The following FBXL2 variants were observed in gnomAD, a reference collection of about 807,000 sequenced individuals.
The protein encoded by FBXL2 is F-box and leucine rich repeat protein 2.
Under a neutral mutation model 69.2 loss-of-function variants are expected in FBXL2, and 38 were observed. The observed-to-expected ratio is 0.55, with a 90% confidence interval of 0.42 to 0.72. The LOEUF is 0.72. Ranked by LOEUF, FBXL2 falls within the 30% of genes least tolerant of loss-of-function variation. FBXL2 has a pLI of 0.00. For missense variants in FBXL2, 354 were observed against 520.3 expected (o/e 0.68, Z 3.11); for synonymous variants, 192 against 201.3 (o/e 0.95, Z 0.39).
At chr3:33,372,772 T>TAG (rs2042376205) in intron 5 of FBXL2, 1 of 464,022 alleles carries the variant, frequency 2.2e-6, no homozygotes, top group Non-Finnish European at 3.9e-6. Flanking sequence ...GCTAGGCCTC[T>TAG]ATTCTCATGA....
At position 33,292,604 on chromosome 3, in the gene FBXL2, G is replaced by A. The variant is rs141305275; in HGVS notation, c.4-5060G>A. Among the ~76,000 whole-genome samples, 193 of 152,232 alleles carry A rather than the reference G, an allele frequency of 1.3e-3. 1 individual carries two copies. Among genetic ancestry groups the A allele is most frequent in the African/African-American group, 4.4e-3 (184 of 41,528 alleles). On this transcript the variant is annotated intron_variant, in intron 1 of 14. Transcript: ENST00000484457. Reference sequence around the variant, plus strand: ...CAACTTGATCCTTGGCATTTATGAAGCACTACACATCACTACAGAATTTGA... The same window carrying A: ...CAACTTGATCCTTGGCATTTATGAAACACTACACATCACTACAGAATTTGA...
At chr3:33,295,277 A>G (rs1018414679) in intron 1 of FBXL2, among the ~76,000 whole-genome samples, 3 of 152,174 alleles carry the variant, frequency 2.0e-5, no homozygotes, top group African/African-American at 4.8e-5. Flanking sequence ...CTAGGCAACT[A>G]CTAGTCTATT....
intron 2 of FBXL2, among the ~76,000 whole-genome samples, chr3:33,349,350 A>G (rs550315109): frequency 4.6e-5 from 7 of 152,268 alleles, no homozygotes; most frequent in Admixed American, 1.3e-4. Flanking sequence ...TTCAGTATCA[A>G]TTGAATTGAT....
intron 2 of FBXL2, among the ~76,000 whole-genome samples, chr3:33,336,018 G>A (rs143966371): frequency 1.7e-3 from 256 of 152,250 alleles, no homozygotes; most frequent in African/African-American, 6.0e-3. Flanking sequence ...TTATGGATTG[G>A]GAGCCTGAGT....
chr3:33,422,687 T>G, the FBXL2 span, among the ~76,000 whole-genome samples: 17 of 127,338 alleles, frequency 1.3e-4, no homozygotes, highest in African/African-American at 4.3e-4. Context: ...ATTGTACCAC[T>G]ACACTCCAGT....
At chr3:33,410,952 A>C in the FBXL2 span, among the ~76,000 whole-genome samples, 1 of 151,774 alleles carries the variant, frequency 6.6e-6, no homozygotes, top group Non-Finnish European at 1.5e-5. Flanking sequence ...GCACACCTGT[A>C]ATCCCAGCTA....
intron 12 of FBXL2, chr3:33,400,946 G>A: frequency 6.3e-7 from 1 of 1,591,238 alleles, no homozygotes; most frequent in East Asian, 2.3e-5. Context: ...GATAGTTTTA[G>A]GAGAAAGATA....
intron 2 of FBXL2, among the ~76,000 whole-genome samples, chr3:33,306,153 C>G (rs1158249410): frequency 6.6e-6 from 1 of 152,040 alleles, no homozygotes; most frequent in Non-Finnish European, 1.5e-5. Flanking sequence ...CAAAGCTCTT[C>G]TTTTGTTGCA....
intron 13 of FBXL2, chr3:33,382,829 A>G (rs995295730): frequency 2.6e-5 from 4 of 152,228 alleles, no homozygotes; most frequent in African/African-American, 9.6e-5. Flanking sequence ...AATCAGAACT[A>G]AATTTCTTTA....
intron 2 of FBXL2, among the ~76,000 whole-genome samples, chr3:33,355,336 A>G (rs898726190): frequency 9.9e-5 from 15 of 152,244 alleles, no homozygotes; most frequent in Admixed American, 5.2e-4. Flanking sequence ...GAAAAATTAA[A>G]GAAATCCTAA....
chr3:33,420,884 A>G, the FBXL2 span, among the ~76,000 whole-genome samples: 18 of 152,284 alleles, frequency 1.2e-4, no homozygotes, highest in African/African-American at 3.4e-4. Context: ...CGGCCTCCCA[A>G]AAATGCTGGG....
At chr3:33,413,910 TC>T in the FBXL2 span, among the ~76,000 whole-genome samples, 1 of 152,132 alleles carries the variant, frequency 6.6e-6, no homozygotes, top group East Asian at 1.9e-4. Flanking sequence ...TGCCAGTGGT[TC>T]ACATCTGCTA....
the FBXL2 span, among the ~76,000 whole-genome samples, chr3:33,410,201 C>T: frequency 3.9e-5 from 6 of 152,324 alleles, no homozygotes; most frequent in East Asian, 7.7e-4. Context: ...TACTCATCTT[C>T]CACCACTCCT....
Position 33,356,363 on chromosome 3 carries a change from T to G in FBXL2, c.66-2604T>G, listed in dbSNP as rs546595695. Among the ~76,000 whole-genome samples the G allele has an allele frequency of 2.6e-5, 4 of 152,092 alleles. No homozygotes were observed. In the South Asian group the frequency reaches 8.3e-4, roughly 32 times the overall value. On this transcript the variant is annotated intron_variant, in intron 2 of 14. Coordinates refer to ENST00000484457, the MANE Select transcript of FBXL2 (RefSeq NM_012157.5). Reference sequence around the variant, plus strand: ...GCTCGAGTTGGTTTGTTTTGTTTTGTTTTTTTGAGATGGAGTCTCGCTCTG... The same window carrying G: ...GCTCGAGTTGGTTTGTTTTGTTTTGGTTTTTTGAGATGGAGTCTCGCTCTG...
intron 2 of FBXL2, among the ~76,000 whole-genome samples, chr3:33,304,584 T>C (rs2036560946): frequency 6.6e-6 from 1 of 152,050 alleles, no homozygotes; most frequent in Non-Finnish European, 1.5e-5. Context: ...TTTCCAGTGT[T>C]TTATCAGTAA....
chr3:33,384,899 G>A (rs910462413), intron 14 of FBXL2, among the ~76,000 whole-genome samples: 6 of 152,196 alleles, frequency 3.9e-5, no homozygotes, highest in African/African-American at 1.4e-4. Context: ...AGCTGGCTGC[G>A]TGCCTGTAAT....
At chr3:33,415,555 T>C in the FBXL2 span, among the ~76,000 whole-genome samples, 1 of 152,184 alleles carries the variant, frequency 6.6e-6, no homozygotes, top group Non-Finnish European at 1.5e-5. Flanking sequence ...ATGATGGATA[T>C]ATGTGGATTC....
intron 2 of FBXL2, among the ~76,000 whole-genome samples, chr3:33,349,457 G>A (rs951276024): frequency 3.9e-5 from 6 of 152,086 alleles, no homozygotes; most frequent in Admixed American, 1.3e-4. Context: ...TAACTCTCAC[G>A]TGTTCATGAT....
At chr3:33,320,922 T>C (rs2038147731) in intron 2 of FBXL2, among the ~76,000 whole-genome samples, 3 of 152,176 alleles carry the variant, frequency 2.0e-5, no homozygotes, top group African/African-American at 7.2e-5. Context: ...AAAAGATACT[T>C]GTAGTACATA....
Sources: gnomAD v4.1 joint callset for allele counts (sites outside exome capture counted in the v4.1 genomes callset) on GRCh38, gnomAD v4.1.1 for gene constraint, MANE v1.5 for transcripts, NCBI Gene and HGNC (gene_info 2026-07-23, HGNC 2026-07-21) for gene names.